ABAT: variants seen among roughly 807,000 people sequenced by gnomAD.
ABAT encodes 4-aminobutyrate aminotransferase, mitochondrial.
ABAT carries 45 observed loss-of-function variants against 64.6 expected under a neutral mutation model. The observed-to-expected ratio is 0.70, with a 90% confidence interval of 0.55 to 0.89. The LOEUF is 0.89. Ranked by LOEUF, ABAT falls within the 40% of genes least tolerant of loss-of-function variation. The probability of loss-of-function intolerance (pLI) is 0.00; values close to 1 mark genes in which losing one functional copy is unlikely to be tolerated. For synonymous variants in ABAT, 297 were observed against 250.5 expected, an observed-to-expected ratio of 1.19 and a Z score of -1.75; for missense variants, 633 against 658.4, an observed-to-expected ratio of 0.96 and a Z score of 0.42.
chr16:8,749,386 C>CTTT (rs1160144275), intron 4 of ABAT, among the ~76,000 whole-genome samples: 5,562 of 32,124 alleles, frequency 0.17, 1,966 homozygotes, highest in East Asian at 0.33. Flanking sequence ...CGCACCCGGC[C>CTTT]TTTTTTTTTT....
At chr16:8,770,629 A>G (rs1389771293) in intron 11 of ABAT, among the ~76,000 whole-genome samples, 1 of 151,150 alleles carries the variant, frequency 6.6e-6, no homozygotes, top group Non-Finnish European at 1.5e-5. Context: ...TTTTGCAGAA[A>G]CAGGTTTTGC....
At chr16:8,748,239 A>T in intron 4 of ABAT, 102 bp downstream of exon 4, 5 of 1,163,716 alleles carry the variant, frequency 4.3e-6, no homozygotes, top group Non-Finnish European at 6.3e-6. Context: ...AAAAAAATGT[A>T]GTTGACTTTT....
At chr16:8,721,854 A>G (rs1004848115) in intron 1 of ABAT, among the ~76,000 whole-genome samples, 4 of 152,144 alleles carry the variant, frequency 2.6e-5, no homozygotes, top group Non-Finnish European at 4.4e-5. Flanking sequence ...TTGCATTTTA[A>G]TCAAAAGAAA....
chr16:8,754,521 C>T (rs564809431), intron 5 of ABAT, among the ~76,000 whole-genome samples: 3 of 152,046 alleles, frequency 2.0e-5, no homozygotes, highest in African/African-American at 4.8e-5. Context: ...TTAGTGTGAA[C>T]CTTGTGGTGG....
chr16:8,755,921 C>T (rs1360101093), intron 5 of ABAT, among the ~76,000 whole-genome samples: 4 of 152,084 alleles, frequency 2.6e-5, no homozygotes, highest in Non-Finnish European at 4.4e-5. Flanking sequence ...TGGTGATGGG[C>T]GCCTGTAGGC....
At chr16:8,761,346 G>A (rs563569996) in intron 6 of ABAT, among the ~76,000 whole-genome samples, 2 of 152,022 alleles carry the variant, frequency 1.3e-5, no homozygotes, top group African/African-American at 4.8e-5. Context: ...AAACTGTGCC[G>A]CGTGTGGAAC....
At chr16:8,730,879 A>G (rs2090052786) in intron 1 of ABAT, among the ~76,000 whole-genome samples, 1 of 152,208 alleles carries the variant, frequency 6.6e-6, no homozygotes, top group African/African-American at 2.4e-5. Context: ...TGGGTAAACC[A>G]CATGGCTTCT....
intron 1 of ABAT, among the ~76,000 whole-genome samples, chr16:8,717,112 A>G (rs1467504515): frequency 6.6e-6 from 1 of 152,192 alleles, no homozygotes; most frequent in Non-Finnish European, 1.5e-5. Context: ...CAACATGGTG[A>G]AACTTTGTCT....
chr16:8,739,965 T>C (rs2059115834), intron 2 of ABAT, among the ~76,000 whole-genome samples: 1 of 151,676 alleles, frequency 6.6e-6, no homozygotes, highest in Non-Finnish European at 1.5e-5. Context: ...AACACAGTGT[T>C]GGCAAAGATA....
chr16:8,738,020 A>AGAAAGAAAGAAAGAAAGAAAGAAAGAAAG (rs1567295862), intron 2 of ABAT, among the ~76,000 whole-genome samples: 7 of 126,454 alleles, frequency 5.5e-5, no homozygotes, highest in African/African-American at 9.5e-5. Context: ...AAGAAAGGAA[A>AGAAAGAAAGAAAGAAAGAAAGAAAGAAAG]GAAAGAAAGA....
chr16:8,752,570 G>T (rs1050073327), intron 5 of ABAT, among the ~76,000 whole-genome samples: 2 of 152,106 alleles, frequency 1.3e-5, no homozygotes, highest in South Asian at 2.1e-4. Context: ...ACCAATCTGG[G>T]CATTATAGTG....
At position 8,776,382 on chromosome 16, in the gene ABAT, C is replaced by A; in HGVS notation, c.1161C>A (p.Ser387=). 1 of 1,614,192 alleles carries A rather than the reference C, an allele frequency of 6.2e-7. No individual in the cohort carries two copies. Among genetic ancestry groups the A allele is most frequent in the Non-Finnish European group, 8.5e-7 (1 of 1,180,044 alleles). Reference sequence around the variant, plus strand: ...TCAACACCTGGCTGGGGGACCCGTCCAAGAACCTGTTGCTGGCTGAGGTCA... The same window carrying A: ...TCAACACCTGGCTGGGGGACCCGTCAAAGAACCTGTTGCTGGCTGAGGTCA... The part of the protein sequence containing the change: ...RIFNTWLGDP[S]KNLLLAEVIN... The change falls in exon 14 of 16, where the codon TCC becomes TCA. Residue 387 remains serine (S), a synonymous_variant. Transcript: ENST00000268251. The surrounding 1 kb of genome is among the most constrained non-coding windows in gnomAD (Gnocchi z 4.4).
intron 1 of ABAT, among the ~76,000 whole-genome samples, chr16:8,704,226 T>C (rs983997340): frequency 6.6e-6 from 1 of 152,210 alleles, no homozygotes; most frequent in South Asian, 2.1e-4. Context: ...TTATAGTCTG[T>C]TTGGAAGCTC....
In ABAT at chr16:8,772,630, C is replaced by CT. The variant is rs2142993496; in HGVS notation, c.817-148dup. On this transcript the variant is annotated intron_variant, in intron 11 of 15. Transcript: ENST00000268251. ...GATACATTCCCATCCACACACATAG[C>CT]TTCTAACAGAGGCTTCACTGGTCTT... 12 of 1,098,000 alleles carry CT rather than the reference C, an allele frequency of 1.1e-5. No individual in the cohort carries two copies. The East Asian group carries it at 2.9e-4, about 27-fold the overall frequency. The allele number at this position is 1,098,000 out of a possible 1,614,324, so 68.0% of individuals were successfully genotyped here. A position where few individuals can be genotyped will look rare whatever the true frequency, so the allele number is the denominator to read the frequency against.
intron 2 of ABAT, 95 bp downstream of exon 2, chr16:8,735,904 G>A: frequency 1.8e-6 from 2 of 1,099,660 alleles, no homozygotes; most frequent in Non-Finnish European, 1.3e-6. Context: ...GGGATAAAGG[G>A]ACCAGCCAGT....
chr16:8,752,762 T>C (rs1252027648), intron 5 of ABAT, among the ~76,000 whole-genome samples: 4 of 152,180 alleles, frequency 2.6e-5, no homozygotes, highest in Non-Finnish European at 4.4e-5. Context: ...TGCAAGACCC[T>C]GTCTCAGTAA....
chr16:8,775,052 A>G lies in ABAT; in HGVS notation c.1117A>G (p.Asn373Asp), dbSNP rs185824735. The change falls in exon 13 of 16, where the codon AAT becomes GAT. Residue 373 changes from asparagine (N) to aspartate (D), a missense_variant. Transcript: ENST00000268251. ...CTTCCACAAGGAGGAGTTCAGGCCT[A>G]ATGCTGTGAGTTGGAGCCAACCTTC... ...GFFHKEEFRP[N>D]APYRIFNTWL... 6.2e-7 allele frequency: 1 copy of G among 1,614,156 alleles called. No homozygotes were observed. Among genetic ancestry groups the G allele is most frequent in the Non-Finnish European group, 8.5e-7 (1 of 1,180,026 alleles).
chr16:8,728,173 A>T (rs189451492), intron 1 of ABAT, among the ~76,000 whole-genome samples: 1 of 152,326 alleles, frequency 6.6e-6, no homozygotes, highest in East Asian at 1.9e-4. Context: ...GATGAGAGGG[A>T]GTGAATGAAT....
intron 8 of ABAT, among the ~76,000 whole-genome samples, chr16:8,765,345 A>T (rs1437520782): frequency 6.6e-6 from 1 of 150,964 alleles, no homozygotes; most frequent in African/African-American, 2.4e-5. Flanking sequence ...CAAAAAAAAA[A>T]AAAGAAGAAG....
Sources: allele counts gnomAD v4.1 joint callset (sites outside exome capture counted in the v4.1 genomes callset), GRCh38; gene constraint gnomAD v4.1.1; non-coding constraint Gnocchi (gnomAD v3.1); transcripts MANE v1.5; gene names NCBI Gene and HGNC (gene_info 2026-07-23, HGNC 2026-07-21).